The following CAMTA1 variants were observed in gnomAD, a reference collection of about 807,000 sequenced individuals.
CAMTA1 encodes the protein calmodulin-binding transcription activator 1.
CAMTA1 carries 27 observed loss-of-function variants against 170.9 expected under a neutral mutation model. That is an observed-to-expected ratio of 0.16 (90% CI 0.12 to 0.22). The LOEUF is 0.22. Among genes scored for constraint, CAMTA1 ranks in the 10% least tolerant of loss-of-function variants. The pLI, the probability that CAMTA1 is intolerant of heterozygous loss-of-function variation, is 1.00. For missense variants in CAMTA1, 1,619 were observed against 2,217.2 expected (o/e 0.73, Z 5.42); for synonymous variants, 833 against 891.5 (o/e 0.93, Z 1.17).
rs371163184 is a variant in CAMTA1 at position 7,251,491 on chromosome 1, C to T, written c.438+1865C>T. On this transcript the variant is annotated intron_variant, in intron 5 of 22. Coordinates refer to ENST00000303635, the MANE Select transcript of CAMTA1 (RefSeq NM_015215.4). The surrounding 1 kb of genome is among the most constrained non-coding windows in gnomAD (Gnocchi z 5.1). ...TGGGCAGCGGGAAGAGCCGGTGACA[C>T]GATGCTTGCTTTGGGTTCTCAGAGA... Among the ~76,000 whole-genome samples, 11 of 152,230 alleles carry T rather than the reference C, an allele frequency of 7.2e-5. No homozygotes were observed. The highest frequency in any genetic ancestry group is 1.2e-4 in the African/African-American group (5 of 41,528).
At chr1:7,396,993 T>C (rs1449719607) in intron 5 of CAMTA1, among the ~76,000 whole-genome samples, 1 of 152,206 alleles carries the variant, frequency 6.6e-6, no homozygotes, top group Non-Finnish European at 1.5e-5. Context: ...GGTTTTGGTA[T>C]CAGGGTAATG....
intron 4 of CAMTA1, among the ~76,000 whole-genome samples, chr1:7,201,548 T>G (rs1573857579): frequency 6.6e-6 from 1 of 152,184 alleles, no homozygotes; most frequent in Non-Finnish European, 1.5e-5. Context: ...CACTTGTTAT[T>G]ATCTGACTTT....
At chr1:6,991,953 C>T (rs188418917) in intron 3 of CAMTA1, among the ~76,000 whole-genome samples, 161 of 152,332 alleles carry the variant, frequency 1.1e-3, no homozygotes, top group African/African-American at 3.4e-3. Context: ...CCGCCTGCCT[C>T]GGCCTCCCAA....
rs77799927 is a variant in CAMTA1, at chr1:7,528,585, G to T, written c.510+60684G>T. Among the ~76,000 whole-genome samples the T allele has an allele frequency of 7.7e-3, 1,166 of 152,176 alleles. 13 individuals are homozygous for T. Among genetic ancestry groups the T allele is most frequent in the African/African-American group, 0.027 (1,120 of 41,508 alleles). ...CAGCGTCTGCATTGGTCTCGGGGAG[G>T]AGCTTTTGCATGAGGCCTGGGATGT... On this transcript the variant is annotated intron_variant, in intron 6 of 22. Transcript: ENST00000303635.
chr1:7,410,150 G>A (rs2090609448), intron 5 of CAMTA1, among the ~76,000 whole-genome samples: 2 of 152,236 alleles, frequency 1.3e-5, no homozygotes, highest in African/African-American at 4.8e-5. Context: ...TTTAAAGTGA[G>A]CTGTAAATGC....
chr1:7,276,303 A>ATATATATATATAATTTTTTTTTTTT, intron 5 of CAMTA1, among the ~76,000 whole-genome samples: 1 of 24,228 alleles, frequency 4.1e-5, no homozygotes, highest in African/African-American at 3.0e-4. Context: ...ATATATATAT[A>ATATATATATATAATTTTTTTTTTTT]TTTTTTTTTT....
In CAMTA1 at chr1:7,685,971, TCTTTC is replaced by T. The variant is rs529230265; in HGVS notation, c.2914+8243_2914+8247del. Among the ~76,000 whole-genome samples, 47 of 152,288 alleles carry T rather than the reference TCTTTC, an allele frequency of 3.1e-4. No homozygotes were observed. The Middle Eastern group carries it at 0.01, about 33-fold the overall frequency. ...CATCCCAATACTAGCCTAGCATGTT[TCTTTC>T]CTTTATTTCTCTCACATTCTCTACT... On this transcript the variant is annotated intron_variant, in intron 11 of 22. Coordinates refer to ENST00000303635, the MANE Select transcript of CAMTA1 (RefSeq NM_015215.4). This position sits in a 1 kb window ranked among gnomAD's most constrained non-coding sequence, Gnocchi z 5.7.
At chr1:7,465,578 T>C (rs1222286479) in intron 5 of CAMTA1, among the ~76,000 whole-genome samples, 1 of 152,256 alleles carries the variant, frequency 6.6e-6, no homozygotes, top group African/African-American at 2.4e-5. Flanking sequence ...AGGGTTCCTC[T>C]GATTCAAATG....
At chr1:6,982,625 C>T (rs1217579023) in intron 3 of CAMTA1, among the ~76,000 whole-genome samples, 1 of 152,140 alleles carries the variant, frequency 6.6e-6, no homozygotes, top group East Asian at 1.9e-4. Context: ...AGCGCCCTTC[C>T]CCAAAGTCAC....
chr1:7,707,672 G>A (rs919497416), intron 11 of CAMTA1, among the ~76,000 whole-genome samples: 1 of 152,216 alleles, frequency 6.6e-6, no homozygotes, highest in Admixed American at 6.5e-5. Context: ...GGTGGGAGAA[G>A]TCCAGATGTG....
intron 5 of CAMTA1, among the ~76,000 whole-genome samples, chr1:7,275,965 C>T (rs1670526448): frequency 6.6e-6 from 1 of 151,962 alleles, no homozygotes; most frequent in African/African-American, 2.4e-5. Context: ...CAATATCTCT[C>T]ATGAACATAG....
chr1:6,994,704 A>G (rs911912916), intron 3 of CAMTA1, among the ~76,000 whole-genome samples: 1 of 151,434 alleles, frequency 6.6e-6, no homozygotes, highest in Non-Finnish European at 1.5e-5. Context: ...GTCTGGCTCT[A>G]TCACCCAGAC....
chr1:7,689,644 C>G (rs1356795733), intron 11 of CAMTA1, among the ~76,000 whole-genome samples: 9 of 152,282 alleles, frequency 5.9e-5, no homozygotes, highest in Admixed American at 5.2e-4. Flanking sequence ...GGAGGTTGTT[C>G]AGGAGTTGGA....
intron 4 of CAMTA1, among the ~76,000 whole-genome samples, chr1:7,226,278 C>T (rs1661680301): frequency 1.3e-5 from 2 of 152,074 alleles, no homozygotes; most frequent in Non-Finnish European, 2.9e-5. Flanking sequence ...GCCTGCCCCT[C>T]GTGGAATTAC....
intron 3 of CAMTA1, among the ~76,000 whole-genome samples, chr1:6,958,706 C>T (rs1299477424): frequency 1.3e-5 from 2 of 152,242 alleles, no homozygotes; most frequent in Non-Finnish European, 2.9e-5. Flanking sequence ...CACCACCCCT[C>T]TGCAGCTTCC....
At chr1:7,492,741 A>ATGTG (rs1553180595) in intron 6 of CAMTA1, among the ~76,000 whole-genome samples, 3 of 136,248 alleles carry the variant, frequency 2.2e-5, no homozygotes, top group Middle Eastern at 3.8e-3. Flanking sequence ...ACATACACAC[A>ATGTG]CGCGCGCACA....
At chr1:7,353,983 C>T (rs1282532406) in intron 5 of CAMTA1, among the ~76,000 whole-genome samples, 1 of 152,010 alleles carries the variant, frequency 6.6e-6, no homozygotes, top group Non-Finnish European at 1.5e-5. Context: ...GTGTCTGGCC[C>T]CCATTTATAA....
chr1:7,494,494 G>A (rs767818209), intron 6 of CAMTA1, among the ~76,000 whole-genome samples: 7 of 152,078 alleles, frequency 4.6e-5, no homozygotes, highest in Admixed American at 1.3e-4. Flanking sequence ...TGGGGTCTGG[G>A]GGATGCAGAG....
chr1:7,749,188 A>G (rs1224999252), intron 19 of CAMTA1, among the ~76,000 whole-genome samples: 1 of 152,204 alleles, frequency 6.6e-6, no homozygotes, highest in Non-Finnish European at 1.5e-5. Flanking sequence ...ATAAATTCTA[A>G]TATGTGTAAT....
Sources: gnomAD v4.1 joint callset for allele counts (sites outside exome capture counted in the v4.1 genomes callset) on GRCh38, gnomAD v4.1.1 for gene constraint, Gnocchi (gnomAD v3.1) non-coding constraint, MANE v1.5 for transcripts, NCBI Gene and HGNC (gene_info 2026-07-23, HGNC 2026-07-21) for gene names.